QTMAN: variants seen among roughly 807,000 people sequenced by gnomAD.
The protein encoded by QTMAN is queuosine-tRNA mannosyltransferase, also known as tRNA-queuosine alpha-mannosyltransferase.
the QTMAN span, among the ~76,000 whole-genome samples, chr2:144,149,499 C>CA: frequency 6.6e-6 from 1 of 151,942 alleles, no homozygotes; most frequent in Non-Finnish European, 1.5e-5. Context: ...TTTAGACCAC[C>CA]AAAGAGCTTT....
At chr2:144,307,071 G>A in the QTMAN span, among the ~76,000 whole-genome samples, 5 of 143,946 alleles carry the variant, frequency 3.5e-5, no homozygotes, top group African/African-American at 1.3e-4. Flanking sequence ...TGAGGCAGGG[G>A]AATCACTTGA....
the QTMAN span, among the ~76,000 whole-genome samples, chr2:144,016,438 T>C: frequency 6.6e-6 from 1 of 152,214 alleles, no homozygotes; most frequent in Non-Finnish European, 1.5e-5. Context: ...TTTCCCAATA[T>C]GGATCAGAAG....
At chr2:144,055,164 T>G in the QTMAN span, among the ~76,000 whole-genome samples, 1 of 152,180 alleles carries the variant, frequency 6.6e-6, no homozygotes, top group Admixed American at 6.5e-5. Flanking sequence ...AGTCTGTAAA[T>G]GAGTTGAAGG....
chr2:143,961,291 G>A, the QTMAN span, among the ~76,000 whole-genome samples: 1 of 152,042 alleles, frequency 6.6e-6, no homozygotes, highest in Admixed American at 6.6e-5. Flanking sequence ...AAAACAAGCA[G>A]GCCTTCCCCC....
the QTMAN span, among the ~76,000 whole-genome samples, chr2:143,949,713 G>A: frequency 6.6e-6 from 1 of 151,734 alleles, no homozygotes; most frequent in Non-Finnish European, 1.5e-5. Context: ...GTAGGTAAAA[G>A]CTAAAATGCT....
At chr2:143,945,026 A>C in the QTMAN span, 3 of 152,104 alleles carry the variant, frequency 2.0e-5, no homozygotes, top group East Asian at 3.9e-4. Flanking sequence ...AGGATAGAAA[A>C]ACACAGTAAA....
chr2:144,097,245 C>T, the QTMAN span, among the ~76,000 whole-genome samples: 1 of 152,210 alleles, frequency 6.6e-6, no homozygotes, highest in Non-Finnish European at 1.5e-5. Flanking sequence ...ACTTCGAATT[C>T]CAATACTCAA....
chr2:144,137,719 GAGAA>G, the QTMAN span, among the ~76,000 whole-genome samples: 2 of 152,144 alleles, frequency 1.3e-5, no homozygotes, highest in African/African-American at 4.8e-5. Context: ...AGAGGAGAGA[GAGAA>G]AGAGAGAGAG....
At chr2:144,017,133 T>A in the QTMAN span, among the ~76,000 whole-genome samples, 1 of 151,846 alleles carries the variant, frequency 6.6e-6, no homozygotes, top group Non-Finnish European at 1.5e-5. Flanking sequence ...GCCTCCTGAG[T>A]AGCTGGGATT....
At chr2:144,156,710 A>T in the QTMAN span, among the ~76,000 whole-genome samples, 1 of 152,096 alleles carries the variant, frequency 6.6e-6, no homozygotes, top group Non-Finnish European at 1.5e-5. Flanking sequence ...AACAAAAAAA[A>T]TGCTTCCGTT....
chr2:144,189,669 G>C, the QTMAN span, among the ~76,000 whole-genome samples: 1 of 151,858 alleles, frequency 6.6e-6, no homozygotes, highest in Non-Finnish European at 1.5e-5. Flanking sequence ...GAGGCTGCTG[G>C]AGTCCAGCGG....
the QTMAN span, among the ~76,000 whole-genome samples, chr2:143,999,573 C>T: frequency 3.3e-5 from 5 of 151,934 alleles, no homozygotes; most frequent in African/African-American, 1.2e-4. Context: ...AGCAAAGAAA[C>T]AGATGATCTA....
the QTMAN span, among the ~76,000 whole-genome samples, chr2:144,238,981 G>A: frequency 6.6e-6 from 1 of 151,778 alleles, no homozygotes; most frequent in Admixed American, 6.6e-5. Context: ...CTCAATGAAA[G>A]AATCTAGCAT....
chr2:144,033,727 C>A, the QTMAN span, among the ~76,000 whole-genome samples: 1 of 152,182 alleles, frequency 6.6e-6, no homozygotes, highest in Non-Finnish European at 1.5e-5. Flanking sequence ...ACCAGCCCCT[C>A]CTCCTTAGGG....
the QTMAN span, among the ~76,000 whole-genome samples, chr2:144,291,134 C>T: frequency 1.3e-5 from 2 of 152,122 alleles, no homozygotes; most frequent in South Asian, 4.1e-4. Context: ...TCTACATTTC[C>T]CCTTTTTATA....
chr2:144,271,051 C>T, the QTMAN span, among the ~76,000 whole-genome samples: 2 of 152,172 alleles, frequency 1.3e-5, no homozygotes, highest in African/African-American at 4.8e-5. Flanking sequence ...TAAAATCACT[C>T]CCATCTATTA....
At chr2:144,142,663 C>T in the QTMAN span, among the ~76,000 whole-genome samples, 1 of 151,922 alleles carries the variant, frequency 6.6e-6, no homozygotes, top group Non-Finnish European at 1.5e-5. Flanking sequence ...CCCAAAATAA[C>T]TTGTTTCACT....
At chr2:144,273,878 G>A in the QTMAN span, among the ~76,000 whole-genome samples, 1 of 152,170 alleles carries the variant, frequency 6.6e-6, no homozygotes, top group Non-Finnish European at 1.5e-5. Flanking sequence ...GCTCACGCCT[G>A]TAATCCCAGC....
the QTMAN span, among the ~76,000 whole-genome samples, chr2:144,122,621 C>A: frequency 6.6e-6 from 1 of 152,068 alleles, no homozygotes; most frequent in Admixed American, 6.6e-5. Flanking sequence ...AGCAACCTAC[C>A]ACAACCCTCC....
Sources: gnomAD v4.1 joint callset for allele counts (sites outside exome capture counted in the v4.1 genomes callset) on GRCh38, gnomAD v4.1.1 for gene constraint, MANE v1.5 for transcripts, NCBI Gene and HGNC (gene_info 2026-07-23, HGNC 2026-07-21) for gene names.